The following CHRM5 variants were observed in gnomAD, a reference collection of about 807,000 sequenced individuals.
CHRM5 encodes the protein cholinergic receptor muscarinic 5, also known as muscarinic acetylcholine receptor M5.
A neutral mutation model predicts 39.0 loss-of-function variants in CHRM5; 18 were observed. That is an observed-to-expected ratio of 0.46 (90% CI 0.32 to 0.68). The LOEUF is 0.68. Among genes scored for constraint, CHRM5 ranks in the 30% least tolerant of loss-of-function variants. CHRM5 has a pLI of 0.04. For synonymous variants in CHRM5, 241 were observed against 246.3 expected (o/e 0.98, Z 0.20); for missense variants, 515 against 651.1 (o/e 0.79, Z 2.28).
At chr15:34,010,847 A>G (rs1483944203) in intron 1 of CHRM5, among the ~76,000 whole-genome samples, 1 of 152,248 alleles carries the variant, frequency 6.6e-6, no homozygotes, top group Non-Finnish European at 1.5e-5. Flanking sequence ...TAACTGATTA[A>G]TAGTTAATTG....
chr15:33,993,198 T>C, intron 1 of CHRM5, among the ~76,000 whole-genome samples: 1 of 152,170 alleles, frequency 6.6e-6, no homozygotes, highest in Non-Finnish European at 1.5e-5. Context: ...AGATCTTACT[T>C]TTTACGTTTG....
chr15:34,052,839 T>C (rs1344465419), intron 2 of CHRM5, among the ~76,000 whole-genome samples: 1 of 152,096 alleles, frequency 6.6e-6, no homozygotes, highest in Non-Finnish European at 1.5e-5. Flanking sequence ...CTCAATGAAA[T>C]CAGAGAGGAC....
At chr15:33,988,848 T>C (rs1362869948) in intron 1 of CHRM5, among the ~76,000 whole-genome samples, 2 of 152,262 alleles carry the variant, frequency 1.3e-5, no homozygotes, top group African/African-American at 4.8e-5. Context: ...AAATCCATTT[T>C]GAAAGATTTT....
chr15:33,983,712 T>A (rs536065880), intron 1 of CHRM5, among the ~76,000 whole-genome samples: 2 of 152,218 alleles, frequency 1.3e-5, no homozygotes, highest in Admixed American at 6.5e-5. Flanking sequence ...AGTGACTCGC[T>A]GCTAGTGAAC....
chr15:34,005,721 C>T (rs1288458998), intron 1 of CHRM5, among the ~76,000 whole-genome samples: 2 of 152,182 alleles, frequency 1.3e-5, no homozygotes, highest in Non-Finnish European at 2.9e-5. Context: ...TCTAGTTCCC[C>T]AACCATTCAC....
intron 1 of CHRM5, among the ~76,000 whole-genome samples, chr15:34,041,651 T>G (rs1899480860): frequency 6.6e-6 from 1 of 152,178 alleles, no homozygotes; most frequent in Non-Finnish European, 1.5e-5. Context: ...AGAGATTGGT[T>G]TGTGGATGAT....
intron 2 of CHRM5, 35 bp downstream of exon 2, chr15:34,046,906 A>C (rs1899709661): frequency 6.6e-6 from 1 of 152,320 alleles, no homozygotes. Flanking sequence ...GGGAAACCAC[A>C]TTTCTCCCAC....
intron 1 of CHRM5, among the ~76,000 whole-genome samples, chr15:34,014,139 G>A (rs1327870140): frequency 6.6e-6 from 1 of 152,136 alleles, no homozygotes; most frequent in Non-Finnish European, 1.5e-5. Context: ...AACATGGGCG[G>A]ATCACCTGAG....
At position 33,986,012 on chromosome 15, in the gene CHRM5, T is replaced by C. The variant is rs866134916; in HGVS notation, c.-408+16862T>C. The stretch of plus-strand genomic sequence containing the variant: ...CCCCCATGGAGGCAGAAATTCATGA[T>C]GGCATAACAAATTTAGGATTCTATT... On this transcript the variant is annotated intron_variant, in intron 1 of 2. Transcript: ENST00000383263. Among the ~76,000 whole-genome samples the C allele has an allele frequency of 4.6e-5, 7 of 152,208 alleles. No homozygotes were observed. In the South Asian group the frequency reaches 6.2e-4, roughly 14 times the overall value.
intron 1 of CHRM5, among the ~76,000 whole-genome samples, chr15:33,997,892 A>C (rs1439517617): frequency 6.6e-6 from 1 of 152,146 alleles, no homozygotes; most frequent in Non-Finnish European, 1.5e-5. Flanking sequence ...CTCACCTTAA[A>C]TTTATGAATA....
intron 2 of CHRM5, among the ~76,000 whole-genome samples, chr15:34,060,910 G>A (rs1481823695): frequency 6.6e-6 from 1 of 152,010 alleles, no homozygotes; most frequent in Non-Finnish European, 1.5e-5. Context: ...CAGCTACTGG[G>A]GAGGCTGAGG....
At chr15:34,060,299 G>T (rs1000782410) in intron 2 of CHRM5, among the ~76,000 whole-genome samples, 2 of 152,206 alleles carry the variant, frequency 1.3e-5, no homozygotes, top group Admixed American at 6.5e-5. Context: ...GACTGCATGT[G>T]TTTGGGAGGT....
intron 1 of CHRM5, among the ~76,000 whole-genome samples, chr15:34,032,175 T>A (rs1320131810): frequency 6.6e-6 from 1 of 152,160 alleles, no homozygotes; most frequent in Non-Finnish European, 1.5e-5. Context: ...TACTTCAAAG[T>A]GCATCAAGAA....
At chr15:34,001,285 G>A (rs1487421138) in intron 1 of CHRM5, among the ~76,000 whole-genome samples, 1 of 151,942 alleles carries the variant, frequency 6.6e-6, no homozygotes, top group Non-Finnish European at 1.5e-5. Flanking sequence ...GCCTCCCAAA[G>A]TGCTGGGATT....
chr15:34,038,643 C>T (rs1899279899), intron 1 of CHRM5: 1 of 779,096 alleles, frequency 1.3e-6, no homozygotes, highest in Non-Finnish European at 1.6e-6. Context: ...CACCATCCGC[C>T]CGTCCCGCGC....
intron 1 of CHRM5, among the ~76,000 whole-genome samples, chr15:34,037,721 T>C (rs931413653): frequency 1.3e-4 from 20 of 152,040 alleles, no homozygotes; most frequent in African/African-American, 4.8e-4. Flanking sequence ...ATCTTAATCC[T>C]AACAAGATTT....
chr15:33,995,382 G>A lies in CHRM5; in HGVS notation c.-408+26232G>A, dbSNP rs1896891226. 2.0e-5 allele frequency among the ~76,000 whole-genome samples: 3 copies of A among 152,258 alleles called. 1 individual carries two copies. The highest frequency in any genetic ancestry group is 7.2e-5 in the African/African-American group (3 of 41,536). ...ACTTACATTGCATTAGATATTATAA[G>A]TGATTTAAAGATGATTTAAAGTATA... On this transcript the variant is annotated intron_variant, in intron 1 of 2. Transcript: ENST00000383263.
chr15:33,983,128 CTGTG>C (rs373285133), intron 1 of CHRM5, among the ~76,000 whole-genome samples: 4,403 of 135,224 alleles, frequency 0.033, 130 homozygotes, highest in African/African-American at 0.073. Flanking sequence ...TGTCCATACT[CTGTG>C]TGTGTGTGTG....
Position 34,063,237 on chromosome 15 carries a change from G to A in CHRM5, c.520G>A (p.Gly174Arg). The A allele has an allele frequency of 6.2e-7, 1 of 1,614,178 alleles. No individual in the cohort carries two copies. The highest frequency in any genetic ancestry group is 1.3e-5 in the African/African-American group (1 of 75,038). Residue 174 changes from glycine (G) to arginine (R), a missense_variant, in exon 3 of 3, where the codon GGG becomes AGG. Coordinates refer to ENST00000383263, the MANE Select transcript of CHRM5 (RefSeq NM_012125.4). The surrounding 1 kb of genome is among the most constrained non-coding windows in gnomAD (Gnocchi z 4.1). ...AATCCTCTGCTGGCAGTACTTGGTT[G>A]GGAAGCGGACAGTTCCACTGGATGA... ...PAILCWQYLV[G>R]KRTVPLDECQ...
Sources: allele counts gnomAD v4.1 joint callset (sites outside exome capture counted in the v4.1 genomes callset), GRCh38; gene constraint gnomAD v4.1.1; non-coding constraint Gnocchi (gnomAD v3.1); transcripts MANE v1.5; gene names NCBI Gene and HGNC (gene_info 2026-07-23, HGNC 2026-07-21).